The following MMP26 variants were observed in gnomAD, a reference collection of about 807,000 sequenced individuals.
MMP26 encodes matrix metalloproteinase-26.
Under a neutral mutation model 31.0 loss-of-function variants are expected in MMP26, and 33 were observed. The ratio of observed to expected loss-of-function variants is 1.06; its 90% CI spans 0.81 to 1.42. MMP26 has a LOEUF of 1.42. Ranked by LOEUF, MMP26 falls within the 40% of genes most tolerant of loss-of-function variation. MMP26 has a pLI of 0.00. For synonymous variants in MMP26, 122 were observed against 114.9 expected, an observed-to-expected ratio of 1.06 and a Z score of -0.40; for missense variants, 347 against 316.1, an observed-to-expected ratio of 1.10 and a Z score of -0.74.
intron 2 of MMP26, among the ~76,000 whole-genome samples, chr11:4,851,100 A>C (rs1273017447): frequency 1.3e-5 from 2 of 152,206 alleles, no homozygotes; most frequent in Non-Finnish European, 2.9e-5. Flanking sequence ...AATAAGATCC[A>C]TTTTGACACC....
chr11:4,816,870 A>ATTT (rs11443728), intron 2 of MMP26, among the ~76,000 whole-genome samples: 5 of 144,180 alleles, frequency 3.5e-5, no homozygotes, highest in Admixed American at 2.8e-4. Context: ...CGCCCGGCTA[A>ATTT]TTTTTTTTTT....
At chr11:4,970,324 T>C (rs1342890271) in intron 2 of MMP26, among the ~76,000 whole-genome samples, 1 of 152,224 alleles carries the variant, frequency 6.6e-6, no homozygotes, top group East Asian at 1.9e-4. Flanking sequence ...TGATATATAA[T>C]CTGACAGAAG....
At chr11:4,923,519 A>C in intron 2 of MMP26, 1 of 1,614,190 alleles carries the variant, frequency 6.2e-7, no homozygotes, top group Non-Finnish European at 8.5e-7. Flanking sequence ...GAAGAGGTGT[A>C]CAACGCGGGG....
chr11:4,765,501 G>A (rs1318492024), intron 1 of MMP26, among the ~76,000 whole-genome samples: 1 of 152,188 alleles, frequency 6.6e-6, no homozygotes, highest in East Asian at 1.9e-4. Context: ...GAAACAGGGA[G>A]TTTATGCTCT....
chr11:4,941,170 T>G (rs1297027562), intron 2 of MMP26, among the ~76,000 whole-genome samples: 2 of 152,210 alleles, frequency 1.3e-5, no homozygotes, highest in African/African-American at 4.8e-5. Flanking sequence ...GCTTATCCAA[T>G]CAATAGAATC....
intron 1 of MMP26, among the ~76,000 whole-genome samples, chr11:4,708,901 A>G (rs1469890919): frequency 6.6e-6 from 1 of 152,172 alleles, no homozygotes; most frequent in Non-Finnish European, 1.5e-5. Context: ...AACATAATCA[A>G]CTTCTCAATT....
chr11:4,727,075 T>C (rs1848110712), intron 1 of MMP26, among the ~76,000 whole-genome samples: 1 of 152,162 alleles, frequency 6.6e-6, no homozygotes, highest in Non-Finnish European at 1.5e-5. Flanking sequence ...TTCTATTTTC[T>C]ATGATAAGAA....
At chr11:4,855,073 A>C (rs957137570) in intron 2 of MMP26, among the ~76,000 whole-genome samples, 2 of 152,216 alleles carry the variant, frequency 1.3e-5, no homozygotes, top group African/African-American at 4.8e-5. Flanking sequence ...GGTCACCATC[A>C]TGAAAGACCA....
intron 2 of MMP26, among the ~76,000 whole-genome samples, chr11:4,837,809 TGAAA>T (rs1849739183): frequency 6.6e-6 from 1 of 151,972 alleles, no homozygotes; most frequent in Non-Finnish European, 1.5e-5. Context: ...GGCTCTGCTG[TGAAA>T]GAGAGACAGT....
intron 1 of MMP26, among the ~76,000 whole-genome samples, chr11:4,727,465 G>A (rs558240313): frequency 1.3e-5 from 2 of 152,012 alleles, no homozygotes; most frequent in Non-Finnish European, 2.9e-5. Flanking sequence ...AAAAAAATCT[G>A]TATTTTTTAA....
At chr11:4,743,987 T>C (rs1848347540) in intron 1 of MMP26, among the ~76,000 whole-genome samples, 1 of 151,974 alleles carries the variant, frequency 6.6e-6, no homozygotes, top group South Asian at 2.1e-4. Context: ...TTTTGTATTT[T>C]TTTTAGAGAT....
chr11:4,901,450 A>T (rs540032152), intron 2 of MMP26, among the ~76,000 whole-genome samples: 2 of 152,080 alleles, frequency 1.3e-5, no homozygotes, highest in Non-Finnish European at 2.9e-5. Flanking sequence ...GTGAGCCACC[A>T]TGCCCGGCCC....
chr11:4,787,705 A>G (rs750175794), intron 2 of MMP26: 17 of 152,248 alleles, frequency 1.1e-4, no homozygotes, highest in Non-Finnish European at 2.2e-4. Context: ...AAGAAATGTA[A>G]TGGGGGCTTT....
intron 2 of MMP26, among the ~76,000 whole-genome samples, chr11:4,921,600 G>C (rs1405649647): frequency 2.0e-5 from 3 of 152,104 alleles, no homozygotes; most frequent in African/African-American, 7.2e-5. Flanking sequence ...AAGCACTGTT[G>C]TTCAGTGCAT....
At chr11:4,845,267 G>C (rs191291008) in intron 2 of MMP26, among the ~76,000 whole-genome samples, 3 of 152,178 alleles carry the variant, frequency 2.0e-5, no homozygotes. Context: ...AGGGTACCAA[G>C]AAATTGAAAA....
intron 1 of MMP26, among the ~76,000 whole-genome samples, chr11:4,730,900 T>G (rs913797592): frequency 6.6e-6 from 1 of 152,168 alleles, no homozygotes; most frequent in Non-Finnish European, 1.5e-5. Flanking sequence ...CATCTTTCAT[T>G]TCCAAACACC....
intron 1 of MMP26, among the ~76,000 whole-genome samples, chr11:4,730,353 A>G (rs1848157122): frequency 6.6e-6 from 1 of 151,506 alleles, no homozygotes; most frequent in Non-Finnish European, 1.5e-5. Context: ...GGATGCAGAG[A>G]AAGAATTTCT....
intron 2 of MMP26, among the ~76,000 whole-genome samples, chr11:4,790,565 T>C (rs1404817261): frequency 6.6e-6 from 1 of 152,194 alleles, no homozygotes; most frequent in Non-Finnish European, 1.5e-5. Flanking sequence ...ACATAAGTAC[T>C]GGCAATTGTA....
intron 2 of MMP26, among the ~76,000 whole-genome samples, chr11:4,794,556 T>A (rs955160951): frequency 6.6e-6 from 1 of 152,208 alleles, no homozygotes; most frequent in Admixed American, 6.5e-5. Flanking sequence ...GTCTTCTCAC[T>A]GCATTTTGTT....
Sources: gnomAD v4.1 joint callset for allele counts (sites outside exome capture counted in the v4.1 genomes callset) on GRCh38, gnomAD v4.1.1 for gene constraint, MANE v1.5 for transcripts, NCBI Gene and HGNC (gene_info 2026-07-23, HGNC 2026-07-21) for gene names.